Variants in ADAMTS2 observed in about 807,000 individuals in gnomAD.
ADAMTS2 encodes A disintegrin and metalloproteinase with thrombospondin motifs 2.
Under a neutral mutation model 123.0 loss-of-function variants are expected in ADAMTS2, and 50 were observed. The observed-to-expected ratio is 0.41, with a 90% confidence interval of 0.32 to 0.51. The LOEUF (loss-of-function observed/expected upper bound fraction) is 0.51, where lower values mean the gene tolerates loss of function less well. Ranked by LOEUF, ADAMTS2 falls within the 20% of genes least tolerant of loss-of-function variation. ADAMTS2 has a pLI of 0.35. For missense variants in ADAMTS2, 1,494 were observed against 1,705.2 expected (o/e 0.88, Z 2.18); for synonymous variants, 678 against 695.4 (o/e 0.98, Z 0.39).
At chr5:179,204,300 G>A (rs1296825211) in intron 4 of ADAMTS2, among the ~76,000 whole-genome samples, 1 of 152,202 alleles carries the variant, frequency 6.6e-6, no homozygotes, top group Non-Finnish European at 1.5e-5. Flanking sequence ...ATGTGCTTAC[G>A]CCACCGAATC....
intron 2 of ADAMTS2, among the ~76,000 whole-genome samples, chr5:179,309,841 T>G (rs1756778408): frequency 6.6e-6 from 1 of 151,074 alleles, no homozygotes; most frequent in South Asian, 2.1e-4. Context: ...CAGTTTCTTC[T>G]ATTTAAAATG....
chr5:179,343,659 A>G (rs1221953392), intron 2 of ADAMTS2, 108 bp downstream of exon 2: 11 of 1,441,222 alleles, frequency 7.6e-6, no homozygotes, highest in Non-Finnish European at 7.5e-6. Flanking sequence ...AAGGGCGCGG[A>G]AAGTCCTCAG....
intron 4 of ADAMTS2, among the ~76,000 whole-genome samples, chr5:179,195,004 C>A (rs189056287): frequency 6.6e-6 from 1 of 152,180 alleles, no homozygotes; most frequent in Non-Finnish European, 1.5e-5. Flanking sequence ...CCTTTGCGCG[C>A]GCTGTGCCAC....
intron 2 of ADAMTS2, among the ~76,000 whole-genome samples, chr5:179,287,017 A>G (rs1335174317): frequency 6.6e-6 from 1 of 152,314 alleles, no homozygotes; most frequent in East Asian, 1.9e-4. Flanking sequence ...ACGGGAGTTT[A>G]GGACCTCAAC....
At position 179,164,293 on chromosome 5, in the gene ADAMTS2, G is replaced by A. The variant is rs138941969; in HGVS notation, c.976-5414C>T. 9.3e-3 allele frequency among the ~76,000 whole-genome samples: 1,416 copies of A among 152,350 alleles called. 14 individuals carry two copies. The highest frequency in any genetic ancestry group is 0.017 in the South Asian group (84 of 4,826). On this transcript the variant is annotated intron_variant, in intron 5 of 21. Coordinates refer to ENST00000251582, the MANE Select transcript of ADAMTS2 (RefSeq NM_014244.5). ...GGGGTACCCATGAGGCCCAGACATT[G>A]ACCTTGTGCCCAGAGGCCAGGGCAA...
At chr5:179,124,121 C>T (rs1253530547) in intron 19 of ADAMTS2, among the ~76,000 whole-genome samples, 1 of 152,216 alleles carries the variant, frequency 6.6e-6, no homozygotes. Context: ...CGATTCTACT[C>T]TGTATCCTTT....
chr5:179,269,899 C>T (rs539217322), intron 3 of ADAMTS2, among the ~76,000 whole-genome samples: 102 of 152,312 alleles, frequency 6.7e-4, no homozygotes, highest in African/African-American at 2.1e-3. Flanking sequence ...AGCCTCAGAG[C>T]TCGGCCTCCG....
chr5:179,253,603 GCCACTGCA>G (rs767872769), intron 3 of ADAMTS2, among the ~76,000 whole-genome samples: 23 of 151,300 alleles, frequency 1.5e-4, no homozygotes, highest in Non-Finnish European at 2.8e-4. Flanking sequence ...CCGAGATCGA[GCCACTGCA>G]CTCCAGCCTG....
intron 2 of ADAMTS2, among the ~76,000 whole-genome samples, chr5:179,288,060 G>A (rs910544088): frequency 1.4e-4 from 21 of 152,236 alleles, no homozygotes; most frequent in African/African-American, 5.1e-4. Context: ...AAGCTGCCCA[G>A]ATCAGGCAGT....
At chr5:179,192,094 C>T (rs1045507312) in intron 4 of ADAMTS2, among the ~76,000 whole-genome samples, 1 of 152,200 alleles carries the variant, frequency 6.6e-6, no homozygotes, top group Non-Finnish European at 1.5e-5. Flanking sequence ...ACTCCCCAGG[C>T]ATCCATGCAT....
At chr5:179,114,446 G>C in intron 21 of ADAMTS2, 122 bp from the exon 22 acceptor site, 3 of 974,888 alleles carry the variant, frequency 3.1e-6, no homozygotes, top group Non-Finnish European at 4.7e-6. Flanking sequence ...AGAGGCAAGT[G>C]AGCCCAGGCA....
At position 179,170,097 on chromosome 5, in the gene ADAMTS2, C is replaced by A. The variant is rs551999405; in HGVS notation, c.975+10975G>T. On this transcript the variant is annotated intron_variant, in intron 5 of 21. Transcript: ENST00000251582. This position sits in a 1 kb window ranked among gnomAD's most constrained non-coding sequence, Gnocchi z 4.3. ...GGTGGTATATTGTATAAAATAAGAT[C>A]ATCTCTTTTCTTCTGCTTTTTTTTA... is the stretch of plus-strand genomic sequence containing the variant. Among the ~76,000 whole-genome samples the A allele has an allele frequency of 3.3e-5, 5 of 152,290 alleles. No homozygotes were observed. The South Asian group carries it at 1.0e-3, about 32-fold the overall frequency.
chr5:179,276,872 A>G (rs1336292717), intron 2 of ADAMTS2, among the ~76,000 whole-genome samples: 1 of 152,110 alleles, frequency 6.6e-6, no homozygotes, highest in Non-Finnish European at 1.5e-5. Flanking sequence ...CCCTGGGGTT[A>G]TTCTGGAGGG....
At chr5:179,263,913 G>C (rs1003552027) in intron 3 of ADAMTS2, among the ~76,000 whole-genome samples, 1 of 152,196 alleles carries the variant, frequency 6.6e-6, no homozygotes, top group African/African-American at 2.4e-5. Context: ...AAAGAAAATT[G>C]GAAATTTTTA....
At chr5:179,294,347 C>T (rs1321166143) in intron 2 of ADAMTS2, among the ~76,000 whole-genome samples, 2 of 152,184 alleles carry the variant, frequency 1.3e-5, no homozygotes, top group Non-Finnish European at 2.9e-5. Flanking sequence ...CACGTCCAGC[C>T]AGCCAATTAT....
intron 18 of ADAMTS2, 127 bp from the exon 19 acceptor site, chr5:179,125,307 C>T (rs990580171): frequency 2.3e-5 from 18 of 773,226 alleles, no homozygotes; most frequent in Non-Finnish European, 3.7e-5. Flanking sequence ...GCACCCCTCC[C>T]CGGTGCACCT....
chr5:179,253,427 T>A (rs1011454512), intron 3 of ADAMTS2, among the ~76,000 whole-genome samples: 5 of 152,104 alleles, frequency 3.3e-5, no homozygotes, highest in African/African-American at 1.2e-4. Flanking sequence ...GCGGATCCCT[T>A]GAGGCCAGGA....
At chr5:179,161,899 C>T (rs1561784362) in intron 5 of ADAMTS2, among the ~76,000 whole-genome samples, 1 of 152,098 alleles carries the variant, frequency 6.6e-6, no homozygotes, top group East Asian at 1.9e-4. Flanking sequence ...TTAAAAATTG[C>T]CAGTCCAAAT....
chr5:179,196,982 T>G (rs1373528662), intron 4 of ADAMTS2, among the ~76,000 whole-genome samples: 1 of 152,274 alleles, frequency 6.6e-6, no homozygotes, highest in Non-Finnish European at 1.5e-5. Flanking sequence ...CAGTTTACCT[T>G]GACAAATTCA....
Sources: allele counts gnomAD v4.1 joint callset (sites outside exome capture counted in the v4.1 genomes callset), GRCh38; gene constraint gnomAD v4.1.1; non-coding constraint Gnocchi (gnomAD v3.1); transcripts MANE v1.5; gene names NCBI Gene and HGNC (gene_info 2026-07-23, HGNC 2026-07-21).